Variants in KCNQ1 observed in about 807,000 individuals in gnomAD.
KCNQ1 encodes the protein potassium voltage-gated channel subfamily Q member 1.
In KCNQ1, 49 loss-of-function variants were observed where a neutral mutation model predicts 72.4. That is an observed-to-expected ratio of 0.68 (90% CI 0.54 to 0.86). The LOEUF is 0.86. KCNQ1 is among the 40% of genes least tolerant of loss of function. The pLI is 0.00. For synonymous variants in KCNQ1, 450 were observed against 412.6 expected (o/e 1.09, Z -1.10); for missense variants, 790 against 945.1 (o/e 0.84, Z 2.15).
In KCNQ1 at chr11:2,710,368, G is replaced by GT. The variant is rs1304049576; in HGVS notation, c.1514+48293dup. Among the ~76,000 whole-genome samples the GT allele has an allele frequency of 6.6e-6, 1 of 152,126 alleles. No homozygotes were observed. The highest frequency in any genetic ancestry group is 1.5e-5 in the Non-Finnish European group (1 of 68,030). On this transcript the variant is annotated intron_variant, in intron 11 of 15. Coordinates refer to ENST00000155840, the MANE Select transcript of KCNQ1 (RefSeq NM_000218.3). This position sits in a 1 kb window ranked among gnomAD's most constrained non-coding sequence, Gnocchi z 4.1. Reference sequence around the variant, plus strand: ...AGAGTTCTTTATAGTCTAGATATAAGTTTTTTATATTCTAGATTCAAGTTC... The same window carrying GT: ...AGAGTTCTTTATAGTCTAGATATAAGTTTTTTTATATTCTAGATTCAAGTTC...
At chr11:2,761,860 C>T (rs1009222516) in intron 11 of KCNQ1, among the ~76,000 whole-genome samples, 3 of 152,236 alleles carry the variant, frequency 2.0e-5, no homozygotes, top group Admixed American at 6.5e-5. Flanking sequence ...GTGAAGGCTC[C>T]GGCTGTGTTC....
chr11:2,843,063 G>A (rs1168974927), intron 15 of KCNQ1, among the ~76,000 whole-genome samples: 1 of 152,234 alleles, frequency 6.6e-6, no homozygotes, highest in Non-Finnish European at 1.5e-5. Flanking sequence ...CCCTGCAGCA[G>A]TGTGGGGGGT....
chr11:2,485,956 G>A (rs1005587756), intron 1 of KCNQ1, among the ~76,000 whole-genome samples: 2 of 152,142 alleles, frequency 1.3e-5, no homozygotes, highest in Admixed American at 6.5e-5. Context: ...ATGAACATTT[G>A]GGTTGCCTCC....
chr11:2,763,523 T>G (rs1461976061), intron 11 of KCNQ1, among the ~76,000 whole-genome samples: 1 of 152,240 alleles, frequency 6.6e-6, no homozygotes, highest in Non-Finnish European at 1.5e-5. Flanking sequence ...TTTATGGTTA[T>G]TGATGCTATT....
At chr11:2,583,338 C>G in intron 6 of KCNQ1, 97 bp from the exon 7 acceptor site, 2 of 860,364 alleles carry the variant, frequency 2.3e-6, no homozygotes, top group South Asian at 2.6e-5. Context: ...CTCTTGCCGG[C>G]CTCTCCGCTC....
At position 2,633,172 on chromosome 11, in the gene KCNQ1, A is replaced by G. The variant is rs1039000186; in HGVS notation, c.1394-28789A>G. ...TGCATTTCTGTGATGAGAGATGTTG[A>G]GCATTTTTTCACATACCTGTTGGCC... On this transcript the variant is annotated intron_variant, in intron 10 of 15. Coordinates refer to ENST00000155840, the MANE Select transcript of KCNQ1 (RefSeq NM_000218.3). The G allele has an allele frequency of 2.8e-5, 11 of 398,516 alleles. No individual in the cohort carries two copies. The Admixed American group carries it at 3.5e-4, about 13-fold the overall frequency. The allele number at this position is 398,516 out of a possible 1,614,324, so 24.7% of individuals were successfully genotyped here. A position where few individuals can be genotyped will look rare whatever the true frequency, so the allele number is the denominator to read the frequency against.
At chr11:2,779,717 G>A (rs1304512153) in intron 15 of KCNQ1, among the ~76,000 whole-genome samples, 3 of 152,190 alleles carry the variant, frequency 2.0e-5, no homozygotes, top group Non-Finnish European at 2.9e-5. Context: ...TGGCAGACAG[G>A]GCCTCCTGAA....
intron 11 of KCNQ1, chr11:2,692,505 C>G: frequency 2.5e-6 from 1 of 398,766 alleles, no homozygotes; most frequent in Non-Finnish European, 4.4e-6. Context: ...TTCTTTCCAT[C>G]CCAGGTGCTC....
Position 2,671,192 on chromosome 11 carries a change from A to G in KCNQ1, c.1514+9111A>G, listed in dbSNP as rs1193241511. The G allele has an allele frequency of 1.3e-5, 5 of 398,538 alleles. No homozygotes were observed. The highest frequency in any genetic ancestry group is 1.0e-4 in the African/African-American group (5 of 48,608). The allele number at this position is 398,538 out of a possible 1,614,324, so 24.7% of individuals were successfully genotyped here. A position where few individuals can be genotyped will look rare whatever the true frequency, so the allele number is the denominator to read the frequency against. ...GGGCCTTGTTAGGAGAAAAGGAAAG[A>G]AAAATAAAAGGTAGAGAGACAGAGG... On this transcript the variant is annotated intron_variant, in intron 11 of 15. Coordinates refer to ENST00000155840, the MANE Select transcript of KCNQ1 (RefSeq NM_000218.3). The surrounding 1 kb of genome is among the most constrained non-coding windows in gnomAD (Gnocchi z 4.7).
Position 2,642,617 on chromosome 11 carries a change from TTTGCATTTCA to T in KCNQ1, c.1394-19340_1394-19331del, listed in dbSNP as rs1849597041. 2.5e-6 allele frequency: 1 copy of T among 397,956 alleles called. No homozygotes were observed. The highest frequency in any genetic ancestry group is 2.1e-5 in the African/African-American group (1 of 48,750). The allele number at this position is 397,956 out of a possible 1,614,324, so 24.7% of individuals were successfully genotyped here. On this transcript the variant is annotated intron_variant, in intron 10 of 15. Coordinates refer to ENST00000155840, the MANE Select transcript of KCNQ1 (RefSeq NM_000218.3). The surrounding 1 kb of genome is among the most constrained non-coding windows in gnomAD (Gnocchi z 4.3). Reference sequence around the variant, plus strand: ...ATTTTGTTTCTTTTCAAAAACCGATTTTGCATTTCATTGATCCTTTATATTTATTTAGTTT... The same window carrying T: ...ATTTTGTTTCTTTTCAAAAACCGATTTTGATCCTTTATATTTATTTAGTTT...
chr11:2,459,193 G>A (rs1448447696), intron 1 of KCNQ1, among the ~76,000 whole-genome samples: 3 of 152,192 alleles, frequency 2.0e-5, no homozygotes, highest in South Asian at 2.1e-4. Flanking sequence ...TCCTTGGGAC[G>A]CGGTGGTGGG....
chr11:2,534,545 C>T (rs1769623783), intron 2 of KCNQ1, among the ~76,000 whole-genome samples: 1 of 152,246 alleles, frequency 6.6e-6, no homozygotes, highest in Non-Finnish European at 1.5e-5. Context: ...TCCTATGGGT[C>T]TGACGAAGCC....
chr11:2,830,789 C>G lies in KCNQ1; in HGVS notation c.1795-16978C>G, dbSNP rs746378721. On this transcript the variant is annotated intron_variant, in intron 15 of 15. Transcript: ENST00000155840. This position sits in a 1 kb window ranked among gnomAD's most constrained non-coding sequence, Gnocchi z 7.7. ...GCCCTCCAGCACCCTGGCCACAGAGCCACACACCTGGGCCTTCCCCTCTCC... is the reference window on the plus strand; with the variant it reads ...GCCCTCCAGCACCCTGGCCACAGAGGCACACACCTGGGCCTTCCCCTCTCC... Among the ~76,000 whole-genome samples the G allele has an allele frequency of 2.0e-5, 3 of 152,224 alleles. No homozygotes were observed. The highest frequency in any genetic ancestry group is 4.4e-5 in the Non-Finnish European group (3 of 68,036).
chr11:2,686,782 A>G (rs931003046), intron 11 of KCNQ1: 27 of 398,544 alleles, frequency 6.8e-5, no homozygotes, highest in Non-Finnish European at 2.2e-5. Context: ...GTGATACACT[A>G]TGATGCACAA....
At chr11:2,584,509 G>A (rs1461149338) in intron 7 of KCNQ1, among the ~76,000 whole-genome samples, 2 of 151,192 alleles carry the variant, frequency 1.3e-5, no homozygotes, top group Non-Finnish European at 2.9e-5. Flanking sequence ...GGGTTAGTGT[G>A]TGTGTTTGTG....
At chr11:2,843,907 C>T (rs1276645461) in intron 15 of KCNQ1, among the ~76,000 whole-genome samples, 1 of 152,220 alleles carries the variant, frequency 6.6e-6, no homozygotes, top group African/African-American at 2.4e-5. Flanking sequence ...TAATCACTAT[C>T]AAATTGCAAA....
Position 2,831,910 on chromosome 11 carries a change from C to G in KCNQ1, c.1795-15857C>G, listed in dbSNP as rs1010334894. Among the ~76,000 whole-genome samples the G allele has an allele frequency of 6.0e-4, 91 of 152,090 alleles. 7 individuals are homozygous for G. Among genetic ancestry groups the G allele is most frequent in the Non-Finnish European group, 7.4e-5 (5 of 68,010 alleles). ...CCTGACTCAGCCCCTGGCACATGGT[C>G]TTGCAGTGGCCTGAGCTGGACATGC... On this transcript the variant is annotated intron_variant, in intron 15 of 15. Transcript: ENST00000155840.
At position 2,543,092 on chromosome 11, in the gene KCNQ1, C is replaced by T. The variant is rs894402067; in HGVS notation, c.477+15074C>T. 6.6e-6 allele frequency among the ~76,000 whole-genome samples: 1 copy of T among 152,044 alleles called. No homozygotes were observed. The highest frequency in any genetic ancestry group is 2.4e-5 in the African/African-American group (1 of 41,342). ...ACCAGTGATGTTGAATATCTTTTCA[C>T]GTGTTTCATTGGCATCCAGGAAACA... On this transcript the variant is annotated intron_variant, in intron 2 of 15. Coordinates refer to ENST00000155840, the MANE Select transcript of KCNQ1 (RefSeq NM_000218.3). This position sits in a 1 kb window ranked among gnomAD's most constrained non-coding sequence, Gnocchi z 5.6.
In KCNQ1 at chr11:2,544,893, C is replaced by A. The variant is rs1388589492; in HGVS notation, c.477+16875C>A. Among the ~76,000 whole-genome samples the A allele has an allele frequency of 6.6e-6, 1 of 152,190 alleles. No individual in the cohort carries two copies. Among genetic ancestry groups the A allele is most frequent in the Non-Finnish European group, 1.5e-5 (1 of 68,042 alleles). ...TGTGTCCCCAGCCTTAGAAGACACA[C>A]ATCATTGTTCACCGTCAAGGGTGAT... On this transcript the variant is annotated intron_variant, in intron 2 of 15. Transcript: ENST00000155840. This position sits in a 1 kb window ranked among gnomAD's most constrained non-coding sequence, Gnocchi z 4.4.
Sources: gnomAD v4.1 joint callset for allele counts (sites outside exome capture counted in the v4.1 genomes callset) on GRCh38, gnomAD v4.1.1 for gene constraint, Gnocchi (gnomAD v3.1) non-coding constraint, MANE v1.5 for transcripts, NCBI Gene and HGNC (gene_info 2026-07-23, HGNC 2026-07-21) for gene names.